The following SCFD2 variants were observed in gnomAD, a reference collection of about 807,000 sequenced individuals.
The protein encoded by SCFD2 is sec1 family domain containing 2.
In SCFD2, 54 loss-of-function variants were observed where a neutral mutation model predicts 58.9. The ratio of observed to expected loss-of-function variants is 0.92; its 90% CI spans 0.74 to 1.15. The LOEUF (loss-of-function observed/expected upper bound fraction) is 1.15, where lower values mean the gene tolerates loss of function less well. Ranked by LOEUF, SCFD2 falls within the 50% of genes most tolerant of loss-of-function variation. The pLI, the probability that SCFD2 is intolerant of heterozygous loss-of-function variation, is 0.00. For missense variants in SCFD2, 805 were observed against 836.6 expected, an observed-to-expected ratio of 0.96 and a Z score of 0.47; for synonymous variants, 321 against 335.9, an observed-to-expected ratio of 0.96 and a Z score of 0.49.
intron 5 of SCFD2, among the ~76,000 whole-genome samples, chr4:52,976,108 G>T (rs1252934995): frequency 6.6e-6 from 1 of 151,968 alleles, no homozygotes; most frequent in East Asian, 1.9e-4. Context: ...CACCAACATG[G>T]CACGTGTATG....
intron 5 of SCFD2, among the ~76,000 whole-genome samples, chr4:53,034,219 A>T (rs1722697897): frequency 6.6e-6 from 1 of 152,134 alleles, no homozygotes; most frequent in Non-Finnish European, 1.5e-5. Context: ...TCACACAATC[A>T]CTATATGATT....
chr4:53,275,472 T>C (rs546907708), intron 3 of SCFD2, among the ~76,000 whole-genome samples: 8 of 152,144 alleles, frequency 5.3e-5, no homozygotes, highest in East Asian at 3.9e-4. Flanking sequence ...CAAGTACTCA[T>C]AGAAAAAAAC....
chr4:53,239,233 G>A (rs1381957199), intron 4 of SCFD2, among the ~76,000 whole-genome samples: 15 of 151,974 alleles, frequency 9.9e-5, no homozygotes, highest in African/African-American at 2.4e-4. Flanking sequence ...GTCTGCAATC[G>A]CAGGCACTCG....
At position 53,076,727 on chromosome 4, in the gene SCFD2, G is replaced by C. The variant is rs185548958; in HGVS notation, c.1561+68606C>G. 3.3e-5 allele frequency among the ~76,000 whole-genome samples: 5 copies of C among 152,312 alleles called. No homozygotes were observed. In the East Asian group the frequency reaches 9.6e-4, roughly 29 times the overall value. On this transcript the variant is annotated intron_variant, in intron 5 of 8. Coordinates refer to ENST00000401642, the MANE Select transcript of SCFD2 (RefSeq NM_152540.4). ...CAAATTTAATGAACCTTTAAATGGT[G>C]ATGAGCAGGAGCTCCCCAGCAGCCT...
chr4:53,330,032 G>A (rs1212971080), intron 2 of SCFD2, among the ~76,000 whole-genome samples: 1 of 151,304 alleles, frequency 6.6e-6, no homozygotes, highest in Non-Finnish European at 1.5e-5. Flanking sequence ...AAGCGAGAAG[G>A]GAAGTTTAGA....
intron 5 of SCFD2, among the ~76,000 whole-genome samples, chr4:53,000,986 G>A (rs1330349238): frequency 2.0e-5 from 3 of 152,188 alleles, no homozygotes; most frequent in African/African-American, 4.8e-5. Context: ...CATTAATCAA[G>A]AACAATGAAT....
chr4:53,044,912 C>CCCCG lies in SCFD2; in HGVS notation c.1561+100420_1561+100421insCGGG, dbSNP rs1553872115. Among the ~76,000 whole-genome samples, 4 of 14,210 alleles carry CCCCG rather than the reference C, an allele frequency of 2.8e-4. 1 individual carries two copies. The highest frequency in any genetic ancestry group is 0.016 in the East Asian group (2 of 128). 9.3% of individuals were successfully genotyped at this position (14,210 alleles called of 152,430 possible). A position where few individuals can be genotyped will look rare whatever the true frequency, so the allele number is the denominator to read the frequency against. ...ATTCCCACCTCCACCCCCAACCCCC[C>CCCCG]CCCCCCGCCCACAAAAAACTTGCTT... On this transcript the variant is annotated intron_variant, in intron 5 of 8. Coordinates refer to ENST00000401642, the MANE Select transcript of SCFD2 (RefSeq NM_152540.4).
At chr4:52,952,683 T>G (rs1720627667) in intron 5 of SCFD2, among the ~76,000 whole-genome samples, 1 of 152,252 alleles carries the variant, frequency 6.6e-6, no homozygotes. Context: ...GCCCCTTTCT[T>G]TCCTGATACA....
rs201406939 is a variant in SCFD2 at position 53,124,530 on chromosome 4, G to A, written c.1561+20803C>T. 2.2e-4 allele frequency among the ~76,000 whole-genome samples: 33 copies of A among 152,246 alleles called. No homozygotes were observed. The East Asian group carries it at 2.9e-3, about 13-fold the overall frequency. On this transcript the variant is annotated intron_variant, in intron 5 of 8. Coordinates refer to ENST00000401642, the MANE Select transcript of SCFD2 (RefSeq NM_152540.4). ...GTTTGGGGGAAGAATAACTAGACTC[G>A]CTGTCAAGAAGATGATATATTATTA...
At chr4:53,069,740 A>T (rs1723765387) in intron 5 of SCFD2, among the ~76,000 whole-genome samples, 1 of 152,048 alleles carries the variant, frequency 6.6e-6, no homozygotes, top group Non-Finnish European at 1.5e-5. Flanking sequence ...AGACAGTAAA[A>T]ATCACCTTTA....
At chr4:53,230,291 G>T (rs1388246519) in intron 4 of SCFD2, among the ~76,000 whole-genome samples, 3 of 152,136 alleles carry the variant, frequency 2.0e-5, no homozygotes, top group African/African-American at 4.8e-5. Context: ...CAAAGGATTA[G>T]AAATCATGCT....
At chr4:53,073,183 T>C (rs766831289) in intron 5 of SCFD2, among the ~76,000 whole-genome samples, 1 of 152,080 alleles carries the variant, frequency 6.6e-6, no homozygotes, top group Non-Finnish European at 1.5e-5. Context: ...TACCTAATTA[T>C]ATTAGGTATT....
chr4:53,338,401 A>G (rs1363552049), intron 2 of SCFD2, among the ~76,000 whole-genome samples: 2 of 152,048 alleles, frequency 1.3e-5, no homozygotes. Flanking sequence ...GAATAAACCC[A>G]AGGAAATATA....
At chr4:53,060,839 T>C (rs1036899927) in intron 5 of SCFD2, among the ~76,000 whole-genome samples, 3 of 152,180 alleles carry the variant, frequency 2.0e-5, no homozygotes, top group Non-Finnish European at 2.9e-5. Flanking sequence ...AAAATCCATA[T>C]CAACAAAAGC....
chr4:53,204,576 T>C (rs1366431921), intron 4 of SCFD2, among the ~76,000 whole-genome samples: 3 of 150,920 alleles, frequency 2.0e-5, no homozygotes, highest in Admixed American at 6.6e-5. Flanking sequence ...GTTAAAAAAC[T>C]TTTTGAATCT....
At chr4:53,183,009 C>G (rs1245936641) in intron 4 of SCFD2, among the ~76,000 whole-genome samples, 2 of 152,114 alleles carry the variant, frequency 1.3e-5, no homozygotes, top group African/African-American at 4.8e-5. Context: ...ACAACAGGTG[C>G]TGGAGAGGAT....
intron 4 of SCFD2, among the ~76,000 whole-genome samples, chr4:53,160,643 G>A (rs1397398277): frequency 2.0e-5 from 3 of 152,294 alleles, no homozygotes; most frequent in Admixed American, 2.0e-4. Context: ...GACAAAAAAA[G>A]AGAATAGAAT....
At chr4:53,239,538 G>A (rs1451135322) in intron 4 of SCFD2, among the ~76,000 whole-genome samples, 1 of 152,180 alleles carries the variant, frequency 6.6e-6, no homozygotes, top group African/African-American at 2.4e-5. Context: ...AAGCTGGAGT[G>A]CAATGGCTGG....
At chr4:53,106,251 A>G (rs1435400288) in intron 5 of SCFD2, among the ~76,000 whole-genome samples, 1 of 152,228 alleles carries the variant, frequency 6.6e-6, no homozygotes, top group Non-Finnish European at 1.5e-5. Flanking sequence ...AGATAAATCC[A>G]TGAAGATGAG....
Sources: allele counts gnomAD v4.1 joint callset (sites outside exome capture counted in the v4.1 genomes callset), GRCh38; gene constraint gnomAD v4.1.1; transcripts MANE v1.5; gene names NCBI Gene and HGNC (gene_info 2026-07-23, HGNC 2026-07-21).